The following SLC26A7 variants were observed in gnomAD, a reference collection of about 807,000 sequenced individuals.
SLC26A7 encodes anion exchange transporter.
A neutral mutation model predicts 82.5 loss-of-function variants in SLC26A7; 59 were observed. The observed-to-expected ratio is 0.72, with a 90% CI of 0.58 to 0.89. The LOEUF (loss-of-function observed/expected upper bound fraction) is 0.89, where lower values mean the gene tolerates loss of function less well. Ranked by LOEUF, SLC26A7 falls within the 40% of genes least tolerant of loss-of-function variation. The probability of loss-of-function intolerance (pLI) is 0.00; values close to 1 mark genes in which losing one functional copy is unlikely to be tolerated. For missense variants in SLC26A7, 820 were observed against 793.0 expected (o/e 1.03, Z -0.41); for synonymous variants, 271 against 274.3 (o/e 0.99, Z 0.12).
chr8:91,365,122 C>A (rs1006819909), intron 13 of SLC26A7, among the ~76,000 whole-genome samples: 1 of 152,116 alleles, frequency 6.6e-6, no homozygotes, highest in Non-Finnish European at 1.5e-5. Flanking sequence ...CTGATAATTT[C>A]TTTTCTAGAA....
At chr8:91,301,281 A>G (rs971773363) in intron 4 of SLC26A7, among the ~76,000 whole-genome samples, 9 of 152,152 alleles carry the variant, frequency 5.9e-5, no homozygotes, top group Non-Finnish European at 1.2e-4. Flanking sequence ...TTCAGCATGT[A>G]TAGCACTTCT....
At chr8:91,256,145 G>C (rs1485184168) in intron 2 of SLC26A7, among the ~76,000 whole-genome samples, 1 of 152,150 alleles carries the variant, frequency 6.6e-6, no homozygotes, top group African/African-American at 2.4e-5. Context: ...GGGATTAAAA[G>C]AATGCTAATA....
Position 91,275,182 on chromosome 8 carries a change from C to T in SLC26A7, c.194-13954C>T, listed in dbSNP as rs180712850. 2.4e-3 allele frequency among the ~76,000 whole-genome samples: 371 copies of T among 152,322 alleles called. 2 individuals carry two copies. The highest frequency in any genetic ancestry group is 8.3e-3 in the African/African-American group (343 of 41,570). ...TAGCTTAATTAACATTTTAGACTCA[C>T]TCTCTATATGTAGAATGTATATAGA... On this transcript the variant is annotated intron_variant, in intron 2 of 18. Coordinates refer to ENST00000276609, the MANE Select transcript of SLC26A7 (RefSeq NM_052832.4).
At chr8:91,294,429 A>G (rs138506779) in intron 3 of SLC26A7, among the ~76,000 whole-genome samples, 398 of 152,192 alleles carry the variant, frequency 2.6e-3, no homozygotes, top group African/African-American at 9.2e-3. Flanking sequence ...TAGTAAGACC[A>G]AGTATTGGCT....
Position 91,343,383 on chromosome 8 carries a change from G to A in SLC26A7, c.1057G>A (p.Val353Ile). ...EFLAHGLSNIVSSFFFCIPSA... is the reference protein window; with the variant it reads ...EFLAHGLSNIISSFFFCIPSA... ...TTTGGCCCATGGCCTCAGCAATATAGTTTCTTCATTTTTCTTCTGCATACC... is the reference window on the plus strand; with the variant it reads ...TTTGGCCCATGGCCTCAGCAATATAATTTCTTCATTTTTCTTCTGCATACC... The change falls in exon 9 of 19, where the codon GTT becomes ATT. Residue 353 changes from valine to isoleucine, a missense_variant. Physicochemically the swap from Val to Ile is conservative, Grantham distance 29. Transcript: ENST00000276609. The A allele has an allele frequency of 6.2e-7, 1 of 1,612,266 alleles. No homozygotes were observed. The highest frequency in any genetic ancestry group is 8.5e-7 in the Non-Finnish European group (1 of 1,179,478).
intron 9 of SLC26A7, among the ~76,000 whole-genome samples, chr8:91,348,669 T>C (rs975113568): frequency 6.6e-6 from 1 of 151,974 alleles, no homozygotes; most frequent in Admixed American, 6.6e-5. Context: ...ATAAGTGCAA[T>C]AGAAGCCAAC....
Position 91,299,600 on chromosome 8 carries a change from G to A in SLC26A7, c.477+3897G>A, listed in dbSNP as rs569187148. Among the ~76,000 whole-genome samples the A allele has an allele frequency of 1.4e-4, 22 of 152,162 alleles. 2 individuals are homozygous for A. In the South Asian group the frequency reaches 3.9e-3, roughly 27 times the overall value. ...GATGCCACCATTATCATTTCCATAT[G>A]TACTTATATCAATTTTGGGACTTTC... On this transcript the variant is annotated intron_variant, in intron 4 of 18. Coordinates refer to ENST00000276609, the MANE Select transcript of SLC26A7 (RefSeq NM_052832.4).
rs939098679 is a variant in SLC26A7, at chr8:91,219,443, C to T, written c.-34+438C>T. 4.4e-4 allele frequency among the ~76,000 whole-genome samples: 67 copies of T among 152,154 alleles called. 1 individual carries two copies. The highest frequency in any genetic ancestry group is 1.6e-3 in the African/African-American group (65 of 41,526). On this transcript the variant is annotated intron_variant, in intron 2 of 5. Transcript: ENST00000522862. ...TGAGGCACTAATATCTACTGACCTT[C>T]ACAGAAAAAATGAGTAGAAGCCTGG...
At chr8:91,268,315 A>G (rs950366104) in intron 2 of SLC26A7, among the ~76,000 whole-genome samples, 4 of 151,956 alleles carry the variant, frequency 2.6e-5, no homozygotes, top group African/African-American at 7.2e-5. Flanking sequence ...TGGGTGCTCC[A>G]GTATTGGGTG....
chr8:91,388,586 GAA>G (rs746289026), intron 15 of SLC26A7, among the ~76,000 whole-genome samples: 130 of 152,270 alleles, frequency 8.5e-4, no homozygotes, highest in Non-Finnish European at 1.4e-3. Context: ...AGTGGTGGGG[GAA>G]TCAGCATATG....
intron 6 of SLC26A7, among the ~76,000 whole-genome samples, 175 bp downstream of exon 6, chr8:91,334,622 TTAA>T (rs757250795): frequency 2.0e-5 from 3 of 152,112 alleles, no homozygotes; most frequent in Non-Finnish European, 4.4e-5. Flanking sequence ...ACATTTTGAG[TTAA>T]TAATTTAAAA....
intron 13 of SLC26A7, among the ~76,000 whole-genome samples, chr8:91,363,969 T>C (rs1472981031): frequency 4.0e-5 from 6 of 149,584 alleles, no homozygotes; most frequent in Non-Finnish European, 8.9e-5. Context: ...CTTAACTCAG[T>C]CAATGAGACT....
chr8:91,249,855 G>A lies in SLC26A7; in HGVS notation c.193+11G>A. On this transcript the variant is annotated intron_variant, in intron 2 of 18. Coordinates refer to ENST00000276609, the MANE Select transcript of SLC26A7 (RefSeq NM_052832.4). ...AACAGGTGACCCAAGGTAATGTATT[G>A]CATTTGAGTTTCCTGTATTATGCAG... 1 of 1,586,884 alleles carries A rather than the reference G, an allele frequency of 6.3e-7. No individual in the cohort carries two copies.
intron 2 of SLC26A7, chr8:91,219,033 C>T: frequency 8.0e-7 from 1 of 1,245,364 alleles, no homozygotes; most frequent in South Asian, 1.4e-5. Context: ...AGCCTCACTC[C>T]ACTTGCCCTG....
At chr8:91,234,962 T>G (rs548893317) in intron 2 of SLC26A7, among the ~76,000 whole-genome samples, 9 of 151,724 alleles carry the variant, frequency 5.9e-5, no homozygotes, top group South Asian at 2.1e-4. Context: ...CTCTGTCACC[T>G]AGGCTGGAGT....
chr8:91,391,459 C>T (rs1185597648), intron 16 of SLC26A7, among the ~76,000 whole-genome samples: 2 of 152,152 alleles, frequency 1.3e-5, no homozygotes, highest in Admixed American at 1.3e-4. Context: ...GCCCTTTCTC[C>T]CCACCGAATA....
chr8:91,264,675 C>A (rs566627073), intron 2 of SLC26A7, among the ~76,000 whole-genome samples: 2 of 152,008 alleles, frequency 1.3e-5, no homozygotes, highest in Non-Finnish European at 2.9e-5. Flanking sequence ...CAAATTGCTT[C>A]TTTAAGAGTG....
At chr8:91,371,279 A>G (rs1814351948) in intron 15 of SLC26A7, among the ~76,000 whole-genome samples, 1 of 151,780 alleles carries the variant, frequency 6.6e-6, no homozygotes, top group Non-Finnish European at 1.5e-5. Context: ...TTTTAAATTT[A>G]CTTTAAATAA....
chr8:91,245,736 T>C (rs1810536803), upstream of SLC26A7, among the ~76,000 whole-genome samples: 1 of 152,204 alleles, frequency 6.6e-6, no homozygotes, highest in African/African-American at 2.4e-5. Flanking sequence ...TTTCACTCTT[T>C]ACTAATGTCT....
Sources: gnomAD v4.1 joint callset for allele counts (sites outside exome capture counted in the v4.1 genomes callset) on GRCh38, gnomAD v4.1.1 for gene constraint, MANE v1.5 for transcripts, NCBI Gene and HGNC (gene_info 2026-07-23, HGNC 2026-07-21) for gene names.